The following ARB2A variants were observed in gnomAD, a reference collection of about 807,000 sequenced individuals.
ARB2A encodes ARB2 cotranscriptional regulator A, also known as cotranscriptional regulator ARB2A.
chr5:93,957,249 G>A, the ARB2A span, among the ~76,000 whole-genome samples: 3 of 152,066 alleles, frequency 2.0e-5, no homozygotes, highest in Non-Finnish European at 4.4e-5. Context: ...TCCAGAATAG[G>A]AAAGGCTTAG....
the ARB2A span, among the ~76,000 whole-genome samples, chr5:93,969,360 C>T: frequency 6.6e-6 from 1 of 151,966 alleles, no homozygotes; most frequent in Non-Finnish European, 1.5e-5. Flanking sequence ...TTGAAAGAAA[C>T]ACTGGAAAGA....
the ARB2A span, among the ~76,000 whole-genome samples, chr5:94,014,632 T>C: frequency 6.6e-5 from 10 of 152,024 alleles, no homozygotes; most frequent in African/African-American, 9.7e-5. Context: ...AGGCAGCTCA[T>C]TGATATCCAA....
At chr5:93,690,950 C>T in the ARB2A span, among the ~76,000 whole-genome samples, 1 of 152,004 alleles carries the variant, frequency 6.6e-6, no homozygotes, top group Non-Finnish European at 1.5e-5. Flanking sequence ...AGCAGAGGGG[C>T]CTGTTAGAAC....
At chr5:93,743,527 G>T in the ARB2A span, 1 of 984,518 alleles carries the variant, frequency 1.0e-6, no homozygotes. Flanking sequence ...TTCTCTTGAG[G>T]TATACTTACA....
At chr5:94,101,022 ATC>A in the ARB2A span, among the ~76,000 whole-genome samples, 1 of 151,956 alleles carries the variant, frequency 6.6e-6, no homozygotes, top group African/African-American at 2.4e-5. Flanking sequence ...GGGAAAAAAA[ATC>A]TGTCTTAATC....
chr5:93,646,320 T>C, the ARB2A span, among the ~76,000 whole-genome samples: 3 of 152,080 alleles, frequency 2.0e-5, no homozygotes, highest in Non-Finnish European at 4.4e-5. Flanking sequence ...AAAAAAATTC[T>C]GTTTTTTTTT....
At chr5:93,895,996 A>G in the ARB2A span, among the ~76,000 whole-genome samples, 1 of 152,056 alleles carries the variant, frequency 6.6e-6, no homozygotes, top group Non-Finnish European at 1.5e-5. Context: ...TAATTAGCAA[A>G]CACAAAATAG....
chr5:93,741,633 C>T, the ARB2A span: 1 of 1,428,410 alleles, frequency 7.0e-7, no homozygotes, highest in Non-Finnish European at 9.2e-7. Flanking sequence ...CAGCCACCGG[C>T]CCCCTCAAGC....
At chr5:94,055,996 A>G in the ARB2A span, 1 of 778,936 alleles carries the variant, frequency 1.3e-6, no homozygotes, top group Non-Finnish European at 1.6e-6. Context: ...ATCCTATGAA[A>G]TAGTAACAAG....
chr5:93,929,393 T>C, the ARB2A span, among the ~76,000 whole-genome samples: 1,026 of 152,276 alleles, frequency 6.7e-3, 13 homozygotes, highest in African/African-American at 0.023. Context: ...AGCTGGCTAC[T>C]TGCCTATAAT....
chr5:93,755,090 T>TAA, the ARB2A span, among the ~76,000 whole-genome samples: 1 of 152,212 alleles, frequency 6.6e-6, no homozygotes, highest in Non-Finnish European at 1.5e-5. Context: ...CTAAAATGCC[T>TAA]AATGGGAGTA....
chr5:93,781,292 A>G, the ARB2A span, among the ~76,000 whole-genome samples: 1 of 152,174 alleles, frequency 6.6e-6, no homozygotes, highest in Non-Finnish European at 1.5e-5. Flanking sequence ...GAGTGATTTC[A>G]GTTAAGATAA....
chr5:93,938,791 A>G, the ARB2A span, among the ~76,000 whole-genome samples: 1 of 152,210 alleles, frequency 6.6e-6, no homozygotes, highest in Non-Finnish European at 1.5e-5. Context: ...AATTTCCAGG[A>G]AAAAAGGCAA....
At chr5:93,635,888 A>G in the ARB2A span, among the ~76,000 whole-genome samples, 1 of 152,238 alleles carries the variant, frequency 6.6e-6, no homozygotes, top group Non-Finnish European at 1.5e-5. Context: ...AAATGTTTGC[A>G]AATGTTTATA....
At chr5:93,644,387 GT>G in the ARB2A span, among the ~76,000 whole-genome samples, 1 of 152,094 alleles carries the variant, frequency 6.6e-6, no homozygotes, top group Admixed American at 6.6e-5. Context: ...GCAATCAAAA[GT>G]TTTAATACGG....
chr5:93,996,338 T>A, the ARB2A span, among the ~76,000 whole-genome samples: 1 of 152,156 alleles, frequency 6.6e-6, no homozygotes, highest in East Asian at 1.9e-4. Context: ...GAAAATCATA[T>A]AAATACGGAC....
At chr5:93,963,547 T>C in the ARB2A span, among the ~76,000 whole-genome samples, 1 of 151,970 alleles carries the variant, frequency 6.6e-6, no homozygotes, top group African/African-American at 2.4e-5. Context: ...AACTATGGAA[T>C]CAGTTCTGGA....
At chr5:94,108,499 C>T in the ARB2A span, among the ~76,000 whole-genome samples, 1 of 151,836 alleles carries the variant, frequency 6.6e-6, no homozygotes, top group Admixed American at 6.6e-5. Context: ...TGGCTGCCTT[C>T]TTAACCCTTA....
the ARB2A span, among the ~76,000 whole-genome samples, chr5:94,040,530 T>C: frequency 2.6e-5 from 3 of 115,856 alleles, no homozygotes; most frequent in Non-Finnish European, 5.0e-5. Flanking sequence ...CAGGCCCCAG[T>C]ATGTGATATT....
Sources: allele counts gnomAD v4.1 joint callset (sites outside exome capture counted in the v4.1 genomes callset), GRCh38; gene constraint gnomAD v4.1.1; transcripts MANE v1.5; gene names NCBI Gene and HGNC (gene_info 2026-07-23, HGNC 2026-07-21).